PLXNA4: variants seen among roughly 807,000 people sequenced by gnomAD.
The protein encoded by PLXNA4 is plexin A4.
PLXNA4 carries 44 observed loss-of-function variants against 191.8 expected under a neutral mutation model. The observed-to-expected ratio is 0.23, with a 90% CI of 0.18 to 0.29. PLXNA4 has a LOEUF of 0.29. Among genes scored for constraint, PLXNA4 ranks in the 10% least tolerant of loss-of-function variants. The pLI is 1.00. For synonymous variants in PLXNA4, 1,082 were observed against 1,009.5 expected (o/e 1.07, Z -1.36); for missense variants, 1,800 against 2,488.8 (o/e 0.72, Z 5.89).
intron 14 of PLXNA4, among the ~76,000 whole-genome samples, chr7:132,189,041 AGAGAGAGAGAGAGAGAGAGAGAGAG>A (rs1797004526): frequency 1.1e-5 from 1 of 89,216 alleles, no homozygotes; most frequent in Non-Finnish European, 2.1e-5. Flanking sequence ...AGAGAGAGAG[AGAGAGAGAGAGAGAGAGAGAGAGAG>A]AAGATTGTGC....
intron 16 of PLXNA4, among the ~76,000 whole-genome samples, chr7:132,184,534 C>T (rs1472511242): frequency 6.6e-6 from 1 of 152,206 alleles, no homozygotes; most frequent in African/African-American, 2.4e-5. Context: ...TGATGGGAGA[C>T]ATACCACTCC....
At chr7:132,603,991 T>G (rs560276529) in intron 2 of PLXNA4, among the ~76,000 whole-genome samples, 1 of 152,300 alleles carries the variant, frequency 6.6e-6, no homozygotes, top group South Asian at 2.1e-4. Flanking sequence ...GTGGTGAGGA[T>G]TTAAACGATA....
At chr7:132,206,235 C>T (rs779462668) in intron 10 of PLXNA4, among the ~76,000 whole-genome samples, 2 of 152,224 alleles carry the variant, frequency 1.3e-5, no homozygotes, top group Admixed American at 1.3e-4. Flanking sequence ...AGCATAGTAT[C>T]TGTCATATAG....
intron 4 of PLXNA4, among the ~76,000 whole-genome samples, chr7:132,255,032 T>C (rs1424217685): frequency 6.6e-6 from 1 of 152,158 alleles, no homozygotes; most frequent in Non-Finnish European, 1.5e-5. Context: ...TCAGCCACCC[T>C]ATTTCTGTCC....
intron 3 of PLXNA4, among the ~76,000 whole-genome samples, chr7:132,483,034 A>T (rs961725488): frequency 3.3e-5 from 5 of 152,160 alleles, no homozygotes; most frequent in Non-Finnish European, 4.4e-5. Context: ...TTCTATGAGA[A>T]GCCAGAACTG....
intron 3 of PLXNA4, among the ~76,000 whole-genome samples, chr7:132,345,145 A>T (rs535945686): frequency 1.3e-5 from 2 of 152,348 alleles, no homozygotes; most frequent in East Asian, 3.9e-4. Flanking sequence ...GCAGAGTGTT[A>T]AATAATAAAA....
intron 3 of PLXNA4, among the ~76,000 whole-genome samples, chr7:132,450,315 G>C (rs1238308428): frequency 1.3e-5 from 2 of 152,202 alleles, no homozygotes; most frequent in African/African-American, 4.8e-5. Context: ...AAGGAGGTAT[G>C]AAACCTCATA....
intron 15 of PLXNA4, among the ~76,000 whole-genome samples, chr7:132,187,153 A>G (rs891035487): frequency 2.0e-5 from 3 of 151,962 alleles, no homozygotes; most frequent in African/African-American, 4.8e-5. Context: ...AACCCAACCA[A>G]TCAGCATTCC....
At chr7:132,208,785 C>A (rs1228998412) in intron 10 of PLXNA4, among the ~76,000 whole-genome samples, 1 of 152,180 alleles carries the variant, frequency 6.6e-6, no homozygotes, top group Non-Finnish European at 1.5e-5. Flanking sequence ...TTCCTTTTCC[C>A]ATGGGTGCCG....
Position 132,273,483 on chromosome 7 carries a change from G to A in PLXNA4, c.1503+24608C>T, listed in dbSNP as rs565405765. On this transcript the variant is annotated intron_variant, in intron 4 of 31. Transcript: ENST00000321063. The stretch of plus-strand genomic sequence containing the variant: ...CTATGTACTGCTCAACTTTTCTTCT[G>A]ACCTTGATTCTAGAATATAAGGGAA... Among the ~76,000 whole-genome samples the A allele has an allele frequency of 5.3e-5, 8 of 152,230 alleles. No individual in the cohort carries two copies. In the South Asian group the frequency reaches 1.2e-3, roughly 24 times the overall value.
chr7:132,334,986 G>A (rs1802760942), intron 3 of PLXNA4, among the ~76,000 whole-genome samples: 1 of 152,232 alleles, frequency 6.6e-6, no homozygotes, highest in African/African-American at 2.4e-5. Flanking sequence ...TTTGGATGAT[G>A]ACTCTAAGCT....
chr7:132,566,302 T>TCACACACA (rs113920133), intron 1 of PLXNA4, among the ~76,000 whole-genome samples: 1,578 of 152,002 alleles, frequency 0.01, 19 homozygotes, highest in Middle Eastern at 0.041. Context: ...TCCCTCTCTC[T>TCACACACA]CTCACACACA....
intron 28 of PLXNA4, among the ~76,000 whole-genome samples, chr7:132,145,946 C>T (rs1156266613): frequency 7.0e-6 from 1 of 143,350 alleles, no homozygotes; most frequent in East Asian, 2.0e-4. Context: ...ATTAGCCAGG[C>T]GTGGTGGTGC....
At chr7:132,432,583 AGGTCTGCTTGTTGATGG>A (rs1224335830) in intron 3 of PLXNA4, among the ~76,000 whole-genome samples, 2 of 152,192 alleles carry the variant, frequency 1.3e-5, no homozygotes, top group East Asian at 3.9e-4. Flanking sequence ...GAAGGGGAGG[AGGTCTGCTTGTTGATGG>A]GGTGTGGGGA....
intron 2 of PLXNA4, among the ~76,000 whole-genome samples, chr7:132,623,146 C>T (rs768673532): frequency 1.6e-4 from 24 of 151,990 alleles, no homozygotes; most frequent in Non-Finnish European, 2.8e-4. Flanking sequence ...GGAGTTCAGC[C>T]GTGCCCAACA....
intron 1 of PLXNA4, among the ~76,000 whole-genome samples, chr7:132,523,364 G>T (rs901004682): frequency 6.6e-6 from 1 of 152,182 alleles, no homozygotes; most frequent in Non-Finnish European, 1.5e-5. Flanking sequence ...CTTGCAGGGG[G>T]ACTGAATGGC....
intron 12 of PLXNA4, among the ~76,000 whole-genome samples, 159 bp downstream of exon 12, chr7:132,202,487 G>A (rs1327666299): frequency 1.3e-5 from 2 of 152,202 alleles, no homozygotes; most frequent in African/African-American, 2.4e-5. Context: ...TGGGGAAGCC[G>A]TGAAGAAAAA....
intron 1 of PLXNA4, among the ~76,000 whole-genome samples, chr7:132,538,461 G>T (rs1215745976): frequency 6.6e-6 from 1 of 152,222 alleles, no homozygotes; most frequent in African/African-American, 2.4e-5. Flanking sequence ...CACCAAGATT[G>T]TAAGTGAGCA....
At chr7:132,225,618 C>G (rs547647925) in intron 8 of PLXNA4, among the ~76,000 whole-genome samples, 5 of 151,054 alleles carry the variant, frequency 3.3e-5, no homozygotes, top group Non-Finnish European at 7.4e-5. Flanking sequence ...CAGAGTCCGC[C>G]CCCCCCCACA....
Sources: gnomAD v4.1 joint callset for allele counts (sites outside exome capture counted in the v4.1 genomes callset) on GRCh38, gnomAD v4.1.1 for gene constraint, MANE v1.5 for transcripts, NCBI Gene and HGNC (gene_info 2026-07-23, HGNC 2026-07-21) for gene names.